Variants in PCDH15 observed in about 807,000 individuals in gnomAD.
The protein encoded by PCDH15 is protocadherin-15.
A neutral mutation model predicts 178.5 loss-of-function variants in PCDH15; 129 were observed. That is an observed-to-expected ratio of 0.72 (90% CI 0.63 to 0.84). The LOEUF (loss-of-function observed/expected upper bound fraction) is 0.84. PCDH15 is among the 40% of genes least tolerant of loss of function. PCDH15 has a pLI of 0.00. For synonymous variants in PCDH15, 800 were observed against 732.0 expected (o/e 1.09, Z -1.50); for missense variants, 2,230 against 2,099.9 (o/e 1.06, Z -1.21).
chr10:55,345,507 C>A (rs1158451914), intron 2 of PCDH15, among the ~76,000 whole-genome samples: 1 of 152,032 alleles, frequency 6.6e-6, no homozygotes, highest in Admixed American at 6.6e-5. Flanking sequence ...ATTCCTCCAC[C>A]CTCTTGTCGG....
intron 2 of PCDH15, among the ~76,000 whole-genome samples, chr10:55,441,239 C>T (rs141440885): frequency 1.9e-3 from 294 of 152,326 alleles, no homozygotes; most frequent in African/African-American, 6.7e-3. Flanking sequence ...CAGAACTTGC[C>T]TATTAACTTT....
chr10:55,373,113 T>A (rs1845546209), intron 2 of PCDH15, among the ~76,000 whole-genome samples: 1 of 152,088 alleles, frequency 6.6e-6, no homozygotes, highest in South Asian at 2.1e-4. Flanking sequence ...CCAGACAGGT[T>A]TATCAGGAGA....
In PCDH15 at chr10:55,250,534, C is replaced by CTTT. The variant is rs777000807; in HGVS notation, c.-156+69062_-156+69064dup. Among the ~76,000 whole-genome samples, 661 of 107,968 alleles carry CTTT rather than the reference C, an allele frequency of 6.1e-3. 28 individuals carry two copies. Among genetic ancestry groups the CTTT allele is most frequent in the East Asian group, 0.055 (175 of 3,198 alleles). The allele number at this position is 107,968 out of a possible 152,430, so 70.8% of individuals were successfully genotyped here. ...ATGACCTAAGAAATTTAAATAAATT[C>CTTT]TTTTTTTTTTTTTTTTTTTTGAGAT... On this transcript the variant is annotated intron_variant, in intron 1 of 5. Coordinates refer to the PCDH15 transcript ENST00000458638.
At chr10:53,896,037 T>C (rs77642230) in intron 26 of PCDH15, among the ~76,000 whole-genome samples, 1 of 152,170 alleles carries the variant, frequency 6.6e-6, no homozygotes, top group African/African-American at 2.4e-5. Flanking sequence ...AAAAGTGCAA[T>C]AAGAAATAAT....
At chr10:53,886,196 G>A (rs2081080823) in intron 26 of PCDH15, among the ~76,000 whole-genome samples, 1 of 152,108 alleles carries the variant, frequency 6.6e-6, no homozygotes, top group African/African-American at 2.4e-5. Context: ...AACGAACCGT[G>A]CTCAGTGCTT....
At chr10:54,515,316 CA>C (rs769698917) in intron 3 of PCDH15, among the ~76,000 whole-genome samples, 3 of 152,234 alleles carry the variant, frequency 2.0e-5, no homozygotes, top group African/African-American at 4.8e-5. Context: ...AACGGCACAC[CA>C]GGAGATTATA....
intron 13 of PCDH15, among the ~76,000 whole-genome samples, chr10:54,170,522 A>G (rs2046782714): frequency 6.6e-6 from 1 of 151,392 alleles, no homozygotes; most frequent in African/African-American, 2.5e-5. Flanking sequence ...CCTGATGCAT[A>G]TACTTTCTGC....
At chr10:54,296,409 T>C (rs6481083) in intron 8 of PCDH15, among the ~76,000 whole-genome samples, 109,904 of 151,684 alleles carry the variant, frequency 0.72, 40,796 homozygotes, top group Middle Eastern at 0.82. Context: ...ACATGTCGCC[T>C]AAGGGAGACT....
chr10:55,556,716 G>A (rs1042383073), intron 2 of PCDH15, among the ~76,000 whole-genome samples: 32 of 152,118 alleles, frequency 2.1e-4, no homozygotes, highest in Admixed American at 1.2e-3. Context: ...GCGCGTGTGC[G>A]TGCAATCCCA....
intron 18 of PCDH15, among the ~76,000 whole-genome samples, chr10:54,040,993 A>G (rs2093530936): frequency 6.6e-6 from 1 of 152,104 alleles, no homozygotes; most frequent in East Asian, 1.9e-4. Context: ...AAAAAAATCT[A>G]TTTAAAGAAG....
intron 20 of PCDH15, among the ~76,000 whole-genome samples, chr10:54,010,311 C>T (rs971654560): frequency 1.3e-5 from 2 of 151,952 alleles, no homozygotes; most frequent in African/African-American, 4.8e-5. Context: ...GGCAGGGCTT[C>T]CCAACCTAGG....
chr10:54,969,015 G>A (rs1838865364), intron 2 of PCDH15, among the ~76,000 whole-genome samples: 1 of 151,514 alleles, frequency 6.6e-6, no homozygotes, highest in African/African-American at 2.4e-5. Context: ...CATTTAGAAT[G>A]TAATAACATT....
At chr10:55,525,081 A>G (rs189212864) in intron 2 of PCDH15, among the ~76,000 whole-genome samples, 3 of 151,934 alleles carry the variant, frequency 2.0e-5, no homozygotes, top group Non-Finnish European at 2.9e-5. Context: ...ACCTAGATTT[A>G]GAGAAATCAT....
chr10:55,509,683 C>T (rs970062335), intron 2 of PCDH15, among the ~76,000 whole-genome samples: 2 of 151,650 alleles, frequency 1.3e-5, no homozygotes, highest in African/African-American at 4.8e-5. Flanking sequence ...TTTGTTTTTC[C>T]CTACATACCT....
intron 3 of PCDH15, among the ~76,000 whole-genome samples, chr10:54,403,461 TA>T (rs752840886): frequency 1.3e-5 from 2 of 151,982 alleles, no homozygotes; most frequent in Non-Finnish European, 2.9e-5. Flanking sequence ...ATAAGAGCCA[TA>T]TATGAAAAAC....
intron 9 of PCDH15, among the ~76,000 whole-genome samples, chr10:54,217,231 AAAAAT>A (rs1231391454): frequency 2.6e-5 from 4 of 152,114 alleles, no homozygotes; most frequent in African/African-American, 4.8e-5. Context: ...GGACTTCTCT[AAAAAT>A]AAAATAAAAT....
intron 1 of PCDH15, among the ~76,000 whole-genome samples, chr10:55,175,338 C>A (rs1839449264): frequency 6.6e-6 from 1 of 152,042 alleles, no homozygotes; most frequent in South Asian, 2.1e-4. Flanking sequence ...AATCAAGGTA[C>A]AACTAATCCT....
intron 8 of PCDH15, among the ~76,000 whole-genome samples, chr10:54,287,288 T>C (rs1291899466): frequency 6.6e-6 from 1 of 152,226 alleles, no homozygotes; most frequent in African/African-American, 2.4e-5. Context: ...TAATGAGGCT[T>C]CTCTCTGACC....
intron 1 of PCDH15, among the ~76,000 whole-genome samples, chr10:55,300,376 A>G (rs1322786474): frequency 6.6e-6 from 1 of 152,182 alleles, no homozygotes. Flanking sequence ...ACGTTATGCA[A>G]GATGCACTCA....
Sources: gnomAD v4.1 joint callset for allele counts (sites outside exome capture counted in the v4.1 genomes callset) on GRCh38, gnomAD v4.1.1 for gene constraint, MANE v1.5 for transcripts, NCBI Gene and HGNC (gene_info 2026-07-23, HGNC 2026-07-21) for gene names.